The following IKBKB-DT variants were observed in gnomAD, a reference collection of about 807,000 sequenced individuals.
The protein encoded by IKBKB-DT is IKBKB divergent transcript.
intron 3 of IKBKB-DT, among the ~76,000 whole-genome samples, chr8:42,235,261 G>A (rs1167340569): frequency 7.4e-5 from 10 of 135,542 alleles, no homozygotes; most frequent in African/African-American, 2.9e-4. Context: ...CTGGAGTGCA[G>A]TGGCACAATC....
chr8:42,257,486 C>T (rs1020832269), intron 3 of IKBKB-DT, among the ~76,000 whole-genome samples: 2 of 147,024 alleles, frequency 1.4e-5, no homozygotes, highest in African/African-American at 4.9e-5. Context: ...GGCAACAGAG[C>T]GAGACTCCAT....
chr8:42,240,766 G>A (rs1806991904), intron 3 of IKBKB-DT, among the ~76,000 whole-genome samples: 1 of 151,906 alleles, frequency 6.6e-6, no homozygotes, highest in Non-Finnish European at 1.5e-5. Flanking sequence ...CACAAGGTCA[G>A]GAGTTCGAGG....
At chr8:42,233,823 G>A (rs894483986) in exon 4 of IKBKB-DT, 2 of 152,152 alleles carry the variant, frequency 1.3e-5, no homozygotes, top group Non-Finnish European at 2.9e-5. Flanking sequence ...GGGAGTCGGA[G>A]CTGTCTTCTT....
intron 3 of IKBKB-DT, among the ~76,000 whole-genome samples, chr8:42,239,619 T>TATATATATATATAAATATATAAATATAA (rs1806973137): frequency 1.2e-5 from 1 of 81,606 alleles, no homozygotes. Flanking sequence ...GCAATTTATA[T>TATATATATATATAAATATATAAATATAA]ATATATATAT....
chr8:42,240,507 C>T (rs1344298694), intron 3 of IKBKB-DT, among the ~76,000 whole-genome samples: 5 of 151,116 alleles, frequency 3.3e-5, no homozygotes, highest in Non-Finnish European at 7.4e-5. Context: ...CGCCTGTAGT[C>T]CCAGCTATTT....
At chr8:42,257,693 G>A (rs573692980) in intron 3 of IKBKB-DT, among the ~76,000 whole-genome samples, 2 of 152,206 alleles carry the variant, frequency 1.3e-5, no homozygotes, top group East Asian at 1.9e-4. Flanking sequence ...CAGCACTTTG[G>A]GAGGCCAAGG....
intron 3 of IKBKB-DT, among the ~76,000 whole-genome samples, chr8:42,251,043 GAGACCAGCCTGGCCAAC>G (rs1363052366): frequency 9.4e-5 from 11 of 116,872 alleles, no homozygotes; most frequent in African/African-American, 6.7e-4. Flanking sequence ...TCAGGAGCTC[GAGACCAGCCTGGCCAAC>G]GAGACCAGCC....
intron 2 of IKBKB-DT, among the ~76,000 whole-genome samples, chr8:42,264,220 G>A (rs746779928): frequency 6.6e-6 from 1 of 150,630 alleles, no homozygotes; most frequent in African/African-American, 2.4e-5. Context: ...AAATTAATTA[G>A]AGACAAGGTC....
At chr8:42,256,135 A>T (rs557047872) in intron 3 of IKBKB-DT, among the ~76,000 whole-genome samples, 1 of 152,296 alleles carries the variant, frequency 6.6e-6, no homozygotes, top group East Asian at 1.9e-4. Context: ...CAGGTAGAGA[A>T]AAAAGGATAA....
intron 3 of IKBKB-DT, among the ~76,000 whole-genome samples, chr8:42,238,723 GA>G (rs775256913): frequency 6.6e-6 from 1 of 152,172 alleles, no homozygotes; most frequent in Non-Finnish European, 1.5e-5. Context: ...GGGACCAACT[GA>G]CTCCACCTGG....
chr8:42,263,760 C>T (rs749501457), intron 2 of IKBKB-DT, among the ~76,000 whole-genome samples: 2 of 152,206 alleles, frequency 1.3e-5, no homozygotes, highest in Non-Finnish European at 1.5e-5. Context: ...ATTAGAGCCA[C>T]ACTTCTTTTC....
At chr8:42,234,275 G>T (rs115432572) in intron 3 of IKBKB-DT, among the ~76,000 whole-genome samples, 169 of 152,224 alleles carry the variant, frequency 1.1e-3, no homozygotes, top group African/African-American at 3.8e-3. Flanking sequence ...CCTGATGTTC[G>T]CCTGACTTTC....
In IKBKB-DT at chr8:42,235,994, C is replaced by T. The variant is rs113014631; in HGVS notation, n.1530-2135G>A. Among the ~76,000 whole-genome samples, 751 of 152,200 alleles carry T rather than the reference C, an allele frequency of 4.9e-3. 2 individuals are homozygous for T. Among genetic ancestry groups the T allele is most frequent in the Non-Finnish European group, 8.6e-3 (582 of 68,002 alleles). The stretch of plus-strand genomic sequence containing the variant: ...AGTCAGCTGAGATCACACAACTGCC[C>T]TCCAGCCTGGTGACAGAGTGAGACT... On this transcript the variant is annotated intron_variant and non_coding_transcript_variant, in intron 3 of 3. Coordinates refer to ENST00000518213, the Ensembl canonical transcript of IKBKB-DT.
intron 1 of IKBKB-DT, among the ~76,000 whole-genome samples, chr8:42,268,711 C>A (rs1214857554): frequency 6.6e-6 from 1 of 151,398 alleles, no homozygotes; most frequent in African/African-American, 2.4e-5. Context: ...GGATTATAGG[C>A]ACCTGCCACC....
At chr8:42,271,204 G>A in exon 1 of IKBKB-DT, 1 of 600,356 alleles carries the variant, frequency 1.7e-6, no homozygotes, top group Admixed American at 2.6e-5. Flanking sequence ...TCGCCCGGTC[G>A]AGGGTCCCGG....
At chr8:42,250,740 G>T (rs530692262) in intron 3 of IKBKB-DT, among the ~76,000 whole-genome samples, 14 of 152,190 alleles carry the variant, frequency 9.2e-5, no homozygotes, top group Middle Eastern at 3.4e-3. Context: ...TTGTAAAGGT[G>T]GTTTCAGTGG....
chr8:42,248,449 A>G (rs1460891314), intron 3 of IKBKB-DT, among the ~76,000 whole-genome samples: 1 of 152,132 alleles, frequency 6.6e-6, no homozygotes, highest in Non-Finnish European at 1.5e-5. Context: ...GTGATGTAGA[A>G]AGGTAGATGT....
intron 3 of IKBKB-DT, among the ~76,000 whole-genome samples, chr8:42,254,992 C>T (rs11998497): frequency 0.036 from 5,525 of 152,082 alleles, 337 homozygotes; most frequent in African/African-American, 0.13. Context: ...TGAGGAGTGC[C>T]TCTGCCCGGC....
chr8:42,250,812 G>A (rs1447623536), intron 3 of IKBKB-DT, among the ~76,000 whole-genome samples: 2 of 152,190 alleles, frequency 1.3e-5, no homozygotes, highest in African/African-American at 4.8e-5. Context: ...GAACCTGGAG[G>A]ATCAAGGCTG....
Sources: gnomAD v4.1 joint callset for allele counts (sites outside exome capture counted in the v4.1 genomes callset) on GRCh38, gnomAD v4.1.1 for gene constraint, MANE v1.5 for transcripts, NCBI Gene and HGNC (gene_info 2026-07-23, HGNC 2026-07-21) for gene names.